The following RBFOX1 variants were observed in gnomAD, a reference collection of about 807,000 sequenced individuals.
The protein encoded by RBFOX1 is RNA binding fox-1 homolog 1.
A neutral mutation model predicts 57.7 loss-of-function variants in RBFOX1; 8 were observed. The observed-to-expected ratio is 0.14, with a 90% CI of 0.08 to 0.25. RBFOX1 has a LOEUF of 0.25. Among genes scored for constraint, RBFOX1 ranks in the 10% least tolerant of loss-of-function variants. The pLI, the probability that RBFOX1 is intolerant of heterozygous loss-of-function variation, is 1.00. For synonymous variants in RBFOX1, 326 were observed against 222.4 expected (o/e 1.47, Z -4.15); for missense variants, 611 against 548.5 (o/e 1.11, Z -1.14).
chr16:6,803,987 T>G (rs79929147), intron 3 of RBFOX1, among the ~76,000 whole-genome samples: 3,012 of 152,178 alleles, frequency 0.02, 103 homozygotes, highest in African/African-American at 0.069. Context: ...GAAGCTAAAC[T>G]GTATAGTACA....
intron 10 of RBFOX1, among the ~76,000 whole-genome samples, chr16:7,629,859 C>A (rs1027409527): frequency 1.3e-5 from 2 of 152,190 alleles, no homozygotes; most frequent in Admixed American, 6.5e-5. Context: ...GCCTTTCTGG[C>A]TGGAAGGCAG....
chr16:6,269,772 A>G (rs985028867), intron 1 of RBFOX1, among the ~76,000 whole-genome samples: 18 of 152,202 alleles, frequency 1.2e-4, no homozygotes, highest in African/African-American at 4.3e-4. Flanking sequence ...GGATAAAAGC[A>G]GGAATTTTAG....
intron 1 of RBFOX1, among the ~76,000 whole-genome samples, chr16:6,093,937 G>A (rs1198427988): frequency 6.6e-6 from 1 of 152,158 alleles, no homozygotes; most frequent in Non-Finnish European, 1.5e-5. Flanking sequence ...TGTTTGAGAA[G>A]TCATATTCTT....
chr16:5,853,085 T>C (rs781239843), intron 3 of RBFOX1, among the ~76,000 whole-genome samples: 1 of 152,072 alleles, frequency 6.6e-6, no homozygotes, highest in Non-Finnish European at 1.5e-5. Context: ...AAAGAGACTA[T>C]GGATATTGGA....
At chr16:6,913,382 C>T (rs548782701) in intron 3 of RBFOX1, among the ~76,000 whole-genome samples, 132 of 152,216 alleles carry the variant, frequency 8.7e-4, no homozygotes, top group South Asian at 5.0e-3. Flanking sequence ...AGGCCAAGAG[C>T]AGCTGCTGTC....
intron 4 of RBFOX1, among the ~76,000 whole-genome samples, chr16:7,195,308 T>A (rs1399842502): frequency 6.6e-6 from 1 of 152,222 alleles, no homozygotes; most frequent in Admixed American, 6.5e-5. Flanking sequence ...ATAAGGCTTC[T>A]TGTGAAAGTC....
intron 1 of RBFOX1, among the ~76,000 whole-genome samples, chr16:5,445,596 G>A (rs1044561564): frequency 8.5e-5 from 13 of 152,222 alleles, no homozygotes; most frequent in Admixed American, 2.0e-4. Flanking sequence ...ACAGTCAGAG[G>A]TGGAGGATAA....
intron 4 of RBFOX1, among the ~76,000 whole-genome samples, chr16:7,381,212 G>A (rs1040160607): frequency 3.3e-5 from 5 of 152,122 alleles, no homozygotes; most frequent in Admixed American, 3.3e-4. Context: ...TCCATCAAAG[G>A]GATTGAGGCC....
intron 3 of RBFOX1, among the ~76,000 whole-genome samples, chr16:5,677,408 A>G (rs1485935259): frequency 6.6e-6 from 1 of 152,190 alleles, no homozygotes; most frequent in East Asian, 1.9e-4. Context: ...AAATGAATGC[A>G]CTTTCTATGG....
chr16:7,205,139 G>T (rs2089649705), intron 4 of RBFOX1, among the ~76,000 whole-genome samples: 5 of 152,104 alleles, frequency 3.3e-5, no homozygotes, highest in Non-Finnish European at 7.4e-5. Flanking sequence ...CTGATAGTAA[G>T]ATAGAGGCTG....
At chr16:5,451,896 C>T (rs964226427) in intron 1 of RBFOX1, among the ~76,000 whole-genome samples, 4 of 152,166 alleles carry the variant, frequency 2.6e-5, no homozygotes, top group Non-Finnish European at 2.9e-5. Flanking sequence ...CTGATACCTA[C>T]CTTCCCTACC....
chr16:7,486,472 A>G (rs535715975), intron 4 of RBFOX1, among the ~76,000 whole-genome samples: 1 of 152,080 alleles, frequency 6.6e-6, no homozygotes, highest in East Asian at 1.9e-4. Flanking sequence ...AGATTTGTCC[A>G]GTTAATCTTA....
chr16:6,977,034 A>G (rs1406909811), intron 3 of RBFOX1, among the ~76,000 whole-genome samples: 2 of 137,876 alleles, frequency 1.5e-5, no homozygotes, highest in African/African-American at 5.2e-5. Flanking sequence ...TATCATATAT[A>G]TCATATATAT....
intron 2 of RBFOX1, among the ~76,000 whole-genome samples, chr16:6,403,607 G>T: frequency 1.3e-5 from 2 of 151,982 alleles, no homozygotes; most frequent in South Asian, 2.1e-4. Context: ...CTCCTGTCTT[G>T]ACCTCCCAAA....
chr16:5,856,533 GT>G, intron 3 of RBFOX1, among the ~76,000 whole-genome samples: 1 of 55,930 alleles, frequency 1.8e-5, no homozygotes, highest in Non-Finnish European at 3.3e-5. Context: ...ATTCATATAT[GT>G]GTATGTGTGT....
intron 3 of RBFOX1, among the ~76,000 whole-genome samples, chr16:6,916,290 C>T (rs2073139388): frequency 6.6e-6 from 1 of 152,090 alleles, no homozygotes; most frequent in Admixed American, 6.5e-5. Context: ...CCACAGGATA[C>T]CATAGTTTGT....
In RBFOX1 at chr16:6,655,373, CAAAAAAAAAAA is replaced by C. The variant is rs71406388; in HGVS notation, c.-16+743_-16+753del. ...TGAGTGACAAAATAAGCCTCCGTTT[CAAAAAAAAAAA>C]AAAAAAAAAAAAAAAAAAAGAGCTC... On this transcript the variant is annotated intron_variant, in intron 3 of 15. Transcript: ENST00000550418. Among the ~76,000 whole-genome samples, 35 of 33,740 alleles carry C rather than the reference CAAAAAAAAAAA, an allele frequency of 1.0e-3. 1 individual carries two copies. Among genetic ancestry groups the C allele is most frequent in the South Asian group, 3.1e-3 (3 of 962 alleles). The allele number at this position is 33,740 out of a possible 152,430, so 22.1% of individuals were successfully genotyped here.
intron 14 of RBFOX1, among the ~76,000 whole-genome samples, chr16:7,707,876 G>A (rs140650186): frequency 1.6e-4 from 24 of 152,102 alleles, no homozygotes; most frequent in Admixed American, 1.0e-3. Flanking sequence ...CACCCCATTC[G>A]GTAAGTCACT....
At chr16:5,647,184 C>T (rs904793857) in intron 3 of RBFOX1, among the ~76,000 whole-genome samples, 10 of 152,118 alleles carry the variant, frequency 6.6e-5, no homozygotes, top group South Asian at 2.1e-4. Context: ...GTGGCATGTG[C>T]ACCGTTTCAC....
Sources: gnomAD v4.1 joint callset for allele counts (sites outside exome capture counted in the v4.1 genomes callset) on GRCh38, gnomAD v4.1.1 for gene constraint, MANE v1.5 for transcripts, NCBI Gene and HGNC (gene_info 2026-07-23, HGNC 2026-07-21) for gene names.